RPS6KA1: variants seen among roughly 807,000 people sequenced by gnomAD.
RPS6KA1 encodes ribosomal protein S6 kinase alpha-1.
Under a neutral mutation model 91.3 loss-of-function variants are expected in RPS6KA1, and 48 were observed. That is an observed-to-expected ratio of 0.53 (90% CI 0.42 to 0.67). The LOEUF (loss-of-function observed/expected upper bound fraction) is 0.67. RPS6KA1 is among the 30% of genes least tolerant of loss of function. RPS6KA1 has a pLI of 0.00. For missense variants in RPS6KA1, 719 were observed against 960.5 expected (o/e 0.75, Z 3.32); for synonymous variants, 359 against 384.7 (o/e 0.93, Z 0.78).
Position 26,571,343 on chromosome 1 carries a change from C to T in RPS6KA1, c.1591-106C>T. 1 of 1,057,404 alleles carries T rather than the reference C, an allele frequency of 9.5e-7. No individual in the cohort carries two copies. The highest frequency in any genetic ancestry group is 1.4e-6 in the Non-Finnish European group (1 of 709,088). 65.5% of individuals were successfully genotyped at this position (1,057,404 alleles called of 1,614,324 possible). A position where few individuals can be genotyped will look rare whatever the true frequency, so the allele number is the denominator to read the frequency against. On this transcript the variant is annotated intron_variant, in intron 17 of 21. Transcript: ENST00000374168. This position sits in a 1 kb window ranked among gnomAD's most constrained non-coding sequence, Gnocchi z 5.1. ...TCTCTCGGATGCCAAGTCCATGCAC[C>T]CGTCCCTCTGCACCCTGTCTGTGTA... is the stretch of plus-strand genomic sequence containing the variant.
At chr1:26,533,983 A>G (rs1007825045) in intron 1 of RPS6KA1, among the ~76,000 whole-genome samples, 1 of 152,168 alleles carries the variant, frequency 6.6e-6, no homozygotes, top group African/African-American at 2.4e-5. Flanking sequence ...GCGTTCCATA[A>G]GAATGACACC....
At chr1:26,537,082 C>G in intron 2 of RPS6KA1, 113 bp downstream of exon 2, 1 of 1,084,718 alleles carries the variant, frequency 9.2e-7, no homozygotes, top group African/African-American at 1.6e-5. Flanking sequence ...CTCAGCCGTC[C>G]TTCTCAGGGC....
chr1:26,536,233 G>C (rs1457454180), intron 1 of RPS6KA1, among the ~76,000 whole-genome samples: 1 of 151,478 alleles, frequency 6.6e-6, no homozygotes, highest in Non-Finnish European at 1.5e-5. Context: ...GCAGAGGCTT[G>C]GAAGAGAGCA....
At chr1:26,548,493 A>C (rs2076016882) in intron 4 of RPS6KA1, among the ~76,000 whole-genome samples, 1 of 152,034 alleles carries the variant, frequency 6.6e-6, no homozygotes, top group Non-Finnish European at 1.5e-5. Flanking sequence ...TAAAGTGTAG[A>C]GGTGGTTTGA....
At chr1:26,553,616 C>A in intron 7 of RPS6KA1, 119 bp downstream of exon 7, 2 of 573,084 alleles carry the variant, frequency 3.5e-6, no homozygotes, top group Non-Finnish European at 6.3e-6. Flanking sequence ...CTTGGGCAAT[C>A]TGAGGGATGG....
intron 2 of RPS6KA1, among the ~76,000 whole-genome samples, chr1:26,539,339 G>A (rs936801075): frequency 6.6e-6 from 1 of 152,214 alleles, no homozygotes; most frequent in African/African-American, 2.4e-5. Context: ...TGTTCCCTGC[G>A]GAACTGGCAT....
Position 26,571,411 on chromosome 1 carries a change from C to T in RPS6KA1, c.1591-38C>T. On this transcript the variant is annotated intron_variant, in intron 17 of 21. Transcript: ENST00000374168. The surrounding 1 kb of genome is among the most constrained non-coding windows in gnomAD (Gnocchi z 5.1). Reference sequence around the variant, plus strand: ...CGCTGACCTGGGCCACTAGCCACCTCCCCACACTGAGAACTGACCCCAGCC... The same window carrying T: ...CGCTGACCTGGGCCACTAGCCACCTTCCCACACTGAGAACTGACCCCAGCC... The T allele has an allele frequency of 6.2e-7, 1 of 1,608,424 alleles. No homozygotes were observed. The highest frequency in any genetic ancestry group is 8.5e-7 in the Non-Finnish European group (1 of 1,175,614).
At position 26,558,151 on chromosome 1, in the gene RPS6KA1, C is replaced by T. The variant is rs539681458; in HGVS notation, c.1085-656C>T. On this transcript the variant is annotated intron_variant, in intron 13 of 21. Transcript: ENST00000374168. The surrounding 1 kb of genome is among the most constrained non-coding windows in gnomAD (Gnocchi z 4.0). ...CTTCTCCAAGCAGTCCGCTGGGCAA[C>T]GTGACAAGTGCAGCTTCGTAGGAGT... 2.0e-5 allele frequency among the ~76,000 whole-genome samples: 3 copies of T among 152,226 alleles called. No individual in the cohort carries two copies. The highest frequency in any genetic ancestry group is 2.1e-4 in the South Asian group (1 of 4,826).
At position 26,554,630 on chromosome 1, in the gene RPS6KA1, G is replaced by A. The variant is rs575955054; in HGVS notation, c.648G>A (p.Glu216=). The part of the protein sequence containing the change: ...FGLSKEAIDH[E]KKAYSFCGTV... ...TGAGCAAAGAGGCCATTGACCACGA[G>A]AAGAAGGCCTATTCTTTCTGCGGGA... Residue 216 remains glutamate (E), a synonymous_variant, in exon 9 of 22, where the codon GAG becomes GAA. Coordinates refer to ENST00000374168, the MANE Select transcript of RPS6KA1 (RefSeq NM_002953.4). This position sits in a 1 kb window ranked among gnomAD's most constrained non-coding sequence, Gnocchi z 4.6. The A allele has an allele frequency of 6.2e-7, 1 of 1,613,686 alleles. No individual in the cohort carries two copies. The highest frequency in any genetic ancestry group is 1.3e-5 in the African/African-American group (1 of 74,898).
Position 26,547,377 on chromosome 1 carries a change from C to A in RPS6KA1, c.307+107C>A. 1 of 844,270 alleles carries A rather than the reference C, an allele frequency of 1.2e-6. No homozygotes were observed. The highest frequency in any genetic ancestry group is 1.9e-6 in the Non-Finnish European group (1 of 521,032). The allele number at this position is 844,270 out of a possible 1,614,324, so 52.3% of individuals were successfully genotyped here. On this transcript the variant is annotated intron_variant, in intron 4 of 21. Coordinates refer to ENST00000374168, the MANE Select transcript of RPS6KA1 (RefSeq NM_002953.4). This position sits in a 1 kb window ranked among gnomAD's most constrained non-coding sequence, Gnocchi z 4.1. ...AGGGAGACAGCTCTGTCTTCAGGAG[C>A]ACCTAGTTCAAAGGTGGAGAAACAG...
In RPS6KA1 at chr1:26,555,267, C is replaced by T. The variant is rs1364776385; in HGVS notation, c.827+46C>T. On this transcript the variant is annotated intron_variant, in intron 10 of 21. Coordinates refer to ENST00000374168, the MANE Select transcript of RPS6KA1 (RefSeq NM_002953.4). This position sits in a 1 kb window ranked among gnomAD's most constrained non-coding sequence, Gnocchi z 4.3. ...GATAACAATGGACTCCTCCAAGCCC[C>T]AGCCCCAGTTTGGGGGTCAGAATAT... 1.3e-6 allele frequency: 2 copies of T among 1,588,344 alleles called. No individual in the cohort carries two copies. The highest frequency in any genetic ancestry group is 2.2e-5 in the South Asian group (2 of 90,310).
At chr1:26,532,656 C>T (rs1050999957) in intron 1 of RPS6KA1, among the ~76,000 whole-genome samples, 8 of 152,268 alleles carry the variant, frequency 5.3e-5, no homozygotes, top group African/African-American at 1.9e-4. Context: ...CAGAACCCAG[C>T]TCCTGGGGCT....
intron 17 of RPS6KA1, among the ~76,000 whole-genome samples, chr1:26,570,863 C>T (rs1327856390): frequency 6.6e-6 from 1 of 152,216 alleles, no homozygotes; most frequent in African/African-American, 2.4e-5. Flanking sequence ...TGGCTCACGC[C>T]TGTAATCCCA....
At chr1:26,563,048 A>C (rs1021682087) in intron 17 of RPS6KA1, among the ~76,000 whole-genome samples, 1 of 151,954 alleles carries the variant, frequency 6.6e-6, no homozygotes, top group African/African-American at 2.4e-5. Flanking sequence ...CATGTTGGCC[A>C]GGCTGGTCTC....
rs1454509972 is a variant in RPS6KA1, at chr1:26,558,919, C to G, written c.1197C>G (p.Pro399=). Reference sequence around the variant, plus strand: ...GCAAGCCTCGTGCCCCGCAGGCACCCCTGCACTCGGTGGTACAGGTGAGGG... The same window carrying G: ...GCAAGCCTCGTGCCCCGCAGGCACCGCTGCACTCGGTGGTACAGGTGAGGG... The part of the protein sequence containing the change: ...DDGKPRAPQA[P]LHSVVQQLHG... The change falls in exon 14 of 22, where the codon CCC becomes CCG. Residue 399 remains proline (P), a synonymous_variant. Transcript: ENST00000374168. The surrounding 1 kb of genome is among the most constrained non-coding windows in gnomAD (Gnocchi z 4.0). 2 of 1,613,180 alleles carry G rather than the reference C, an allele frequency of 1.2e-6. No homozygotes were observed. Among genetic ancestry groups the G allele is most frequent in the Admixed American group, 3.3e-5 (2 of 60,004 alleles).
At chr1:26,549,087 T>C (rs1320400338) in intron 4 of RPS6KA1, among the ~76,000 whole-genome samples, 2 of 150,480 alleles carry the variant, frequency 1.3e-5, no homozygotes, top group Non-Finnish European at 2.9e-5. Flanking sequence ...AATTCTGGAA[T>C]GGCAGTGACG....
In RPS6KA1 at chr1:26,551,607, G is replaced by T. The variant is rs777758400; in HGVS notation, c.389-37G>T. On this transcript the variant is annotated intron_variant, in intron 5 of 21. Transcript: ENST00000374168. This position sits in a 1 kb window ranked among gnomAD's most constrained non-coding sequence, Gnocchi z 4.5. The stretch of plus-strand genomic sequence containing the variant: ...GGCCGGAGAAGCAGATCATAAGGCC[G>T]CGCCGACTCTACCATTGCCTTTCTC... The T allele has an allele frequency of 6.2e-7, 1 of 1,605,658 alleles. No homozygotes were observed. Among genetic ancestry groups the T allele is most frequent in the Non-Finnish European group, 8.5e-7 (1 of 1,172,264 alleles).
At chr1:26,542,804 T>C (rs780247273) in intron 2 of RPS6KA1, among the ~76,000 whole-genome samples, 8 of 150,704 alleles carry the variant, frequency 5.3e-5, no homozygotes, top group African/African-American at 5.0e-5. Flanking sequence ...CTTTGCTGAC[T>C]TTTGCCCCAC....
intron 13 of RPS6KA1, among the ~76,000 whole-genome samples, chr1:26,557,367 A>G (rs1370329277): frequency 6.6e-6 from 1 of 152,064 alleles, no homozygotes; most frequent in Non-Finnish European, 1.5e-5. Context: ...CACAGTAGAA[A>G]AGCCAGGACC....
Sources: allele counts gnomAD v4.1 joint callset (sites outside exome capture counted in the v4.1 genomes callset), GRCh38; gene constraint gnomAD v4.1.1; non-coding constraint Gnocchi (gnomAD v3.1); transcripts MANE v1.5; gene names NCBI Gene and HGNC (gene_info 2026-07-23, HGNC 2026-07-21).